The following KIF6 variants were observed in gnomAD, a reference collection of about 807,000 sequenced individuals.
KIF6 encodes kinesin-like protein KIF6.
A neutral mutation model predicts 112.7 loss-of-function variants in KIF6; 106 were observed. The observed-to-expected ratio is 0.94, with a 90% CI of 0.80 to 1.11. The LOEUF is 1.11. KIF6 is among the 50% of genes least tolerant of loss of function. The probability of loss-of-function intolerance (pLI) is 0.00; values close to 1 mark genes in which losing one functional copy is unlikely to be tolerated. For synonymous variants in KIF6, 339 were observed against 339.9 expected, an observed-to-expected ratio of 1.00 and a Z score of 0.03; for missense variants, 929 against 964.0, an observed-to-expected ratio of 0.96 and a Z score of 0.48.
At chr6:39,581,161 CTTTTTT>C (rs60321520) in intron 9 of KIF6, among the ~76,000 whole-genome samples, 3 of 78,706 alleles carry the variant, frequency 3.8e-5, no homozygotes, top group East Asian at 3.3e-4. Flanking sequence ...GCTTTACTTT[CTTTTTT>C]TTTTTTTTTT....
intron 9 of KIF6, among the ~76,000 whole-genome samples, chr6:39,582,861 G>C (rs909361910): frequency 6.6e-6 from 1 of 152,176 alleles, no homozygotes; most frequent in Non-Finnish European, 1.5e-5. Flanking sequence ...ACTGTCATTT[G>C]TGCCTCAGAC....
At chr6:39,494,623 C>T (rs774283527) in intron 13 of KIF6, among the ~76,000 whole-genome samples, 6 of 151,890 alleles carry the variant, frequency 4.0e-5, no homozygotes, top group South Asian at 2.1e-4. Context: ...AATGTTCCGA[C>T]GTAAAAGAAT....
intron 19 of KIF6, among the ~76,000 whole-genome samples, chr6:39,348,042 T>C (rs965358155): frequency 5.3e-5 from 8 of 152,228 alleles, no homozygotes; most frequent in Non-Finnish European, 1.0e-4. Flanking sequence ...CACGCTTTTC[T>C]TCAGAGAACA....
chr6:39,595,982 T>C (rs1272760800), intron 7 of KIF6, 72 bp downstream of exon 7: 6 of 1,166,108 alleles, frequency 5.1e-6, no homozygotes, highest in African/African-American at 1.5e-5. Flanking sequence ...TCTAATAGAA[T>C]GCCTGATACA....
At chr6:39,709,536 G>A (rs1431230358) in intron 3 of KIF6, among the ~76,000 whole-genome samples, 1 of 152,160 alleles carries the variant, frequency 6.6e-6, no homozygotes, top group Non-Finnish European at 1.5e-5. Context: ...GCCACAGACT[G>A]GTACCGGTGC....
At chr6:39,650,286 T>C (rs760254474) in intron 3 of KIF6, among the ~76,000 whole-genome samples, 1 of 152,216 alleles carries the variant, frequency 6.6e-6, no homozygotes, top group Non-Finnish European at 1.5e-5. Flanking sequence ...CTGTTTATTA[T>C]TTCCCAAGTT....
chr6:39,556,067 T>C (rs1253596789), intron 10 of KIF6, among the ~76,000 whole-genome samples: 1 of 152,008 alleles, frequency 6.6e-6, no homozygotes, highest in Non-Finnish European at 1.5e-5. Context: ...CATGCCCAAG[T>C]GAGTAAAGAT....
chr6:39,659,052 T>C (rs969970984), intron 3 of KIF6, among the ~76,000 whole-genome samples: 14 of 152,208 alleles, frequency 9.2e-5, no homozygotes, highest in Non-Finnish European at 2.9e-5. Flanking sequence ...CTCATTCTAG[T>C]ATTAAATAGC....
intron 10 of KIF6, among the ~76,000 whole-genome samples, chr6:39,559,284 C>A (rs1260437783): frequency 6.6e-6 from 1 of 152,240 alleles, no homozygotes; most frequent in South Asian, 2.1e-4. Flanking sequence ...AGCAGATAAT[C>A]TGCTAAATTT....
intron 13 of KIF6, among the ~76,000 whole-genome samples, chr6:39,538,960 C>G (rs1405107535): frequency 1.3e-5 from 2 of 150,514 alleles, no homozygotes; most frequent in Non-Finnish European, 2.9e-5. Flanking sequence ...AGTAAACTAT[C>G]GCAAGGACAA....
chr6:39,367,273 T>TA (rs1431491358), intron 16 of KIF6, among the ~76,000 whole-genome samples: 1 of 151,806 alleles, frequency 6.6e-6, no homozygotes, highest in African/African-American at 2.4e-5. Context: ...GAAGAGGGAG[T>TA]AACTACAAAG....
intron 15 of KIF6, among the ~76,000 whole-genome samples, chr6:39,402,316 A>G (rs1388749439): frequency 6.6e-6 from 1 of 152,166 alleles, no homozygotes; most frequent in Non-Finnish European, 1.5e-5. Flanking sequence ...TCCTAGAACA[A>G]TGCAAACAAT....
chr6:39,709,372 T>G (rs533568703), intron 3 of KIF6, among the ~76,000 whole-genome samples: 4 of 152,314 alleles, frequency 2.6e-5, no homozygotes, highest in Admixed American at 2.0e-4. Flanking sequence ...ATAAGGAGTG[T>G]GTAACCTAGA....
chr6:39,385,775 A>T (rs1001267001), intron 15 of KIF6, 103 bp from the exon 16 acceptor site: 57 of 748,482 alleles, frequency 7.6e-5, no homozygotes, highest in Non-Finnish European at 1.2e-4. Context: ...AAAAAAAGGT[A>T]GAGTAAGGGA....
In KIF6 at chr6:39,544,655, T is replaced by C. The variant is rs143791545; in HGVS notation, c.1326A>G (p.Thr442=). The change falls in exon 12 of 23, where the codon ACA becomes ACG. Residue 442 remains threonine, a synonymous_variant. Transcript: ENST00000287152. The part of the protein sequence containing the change: ...LNDKKILENN[T]VSSESKDQDC... ...CTTGGTCTTTGCTTTCAGAGGAGACTGTATTGTTTTCAAGGATCTTCTTGT... is the reference window on the plus strand; with the variant it reads ...CTTGGTCTTTGCTTTCAGAGGAGACCGTATTGTTTTCAAGGATCTTCTTGT... 224 of 1,608,304 alleles carry C rather than the reference T, an allele frequency of 1.4e-4. 1 individual carries two copies. Among genetic ancestry groups the C allele is most frequent in the Middle Eastern group, 1.3e-3 (8 of 5,988 alleles).
intron 13 of KIF6, among the ~76,000 whole-genome samples, chr6:39,510,094 C>CTTTTT (rs70984130): frequency 8.4e-5 from 11 of 131,536 alleles, no homozygotes; most frequent in Middle Eastern, 4.0e-3. Flanking sequence ...CTTTTCTTTT[C>CTTTTT]TTTTTTTTTT....
intron 6 of KIF6, among the ~76,000 whole-genome samples, chr6:39,604,241 C>T (rs1027910035): frequency 1.3e-5 from 2 of 152,152 alleles, no homozygotes; most frequent in African/African-American, 4.8e-5. Flanking sequence ...TTAAACCTCA[C>T]CCTTAATGAA....
intron 6 of KIF6, 102 bp from the exon 7 acceptor site, chr6:39,596,362 G>T: frequency 1.2e-6 from 1 of 820,028 alleles, no homozygotes; most frequent in Non-Finnish European, 2.0e-6. Context: ...CATTTCCCAT[G>T]AAGCCAACTG....
At chr6:39,351,443 C>T (rs935521563) in intron 19 of KIF6, among the ~76,000 whole-genome samples, 3 of 151,002 alleles carry the variant, frequency 2.0e-5, no homozygotes, top group East Asian at 1.9e-4. Context: ...GTTGTAGAGA[C>T]GGGGTTTCAC....
Sources: gnomAD v4.1 joint callset for allele counts (sites outside exome capture counted in the v4.1 genomes callset) on GRCh38, gnomAD v4.1.1 for gene constraint, MANE v1.5 for transcripts, NCBI Gene and HGNC (gene_info 2026-07-23, HGNC 2026-07-21) for gene names.